The following TMEFF2 variants were observed in gnomAD, a reference collection of about 807,000 sequenced individuals.
TMEFF2 encodes tomoregulin-2.
A neutral mutation model predicts 53.8 loss-of-function variants in TMEFF2; 28 were observed. The ratio of observed to expected loss-of-function variants is 0.52; its 90% CI spans 0.39 to 0.71. TMEFF2 has a LOEUF of 0.71. Ranked by LOEUF, TMEFF2 falls within the 30% of genes least tolerant of loss-of-function variation. The pLI is 0.00. For synonymous variants in TMEFF2, 162 were observed against 166.3 expected (o/e 0.97, Z 0.20); for missense variants, 353 against 455.2 (o/e 0.78, Z 2.04).
At chr2:192,191,786 T>C in intron 2 of TMEFF2, 94 bp downstream of exon 2, 1 of 840,080 alleles carries the variant, frequency 1.2e-6, no homozygotes, top group Non-Finnish European at 1.9e-6. Flanking sequence ...TTAGCTTGCA[T>C]AGCTATAAAT....
At chr2:192,176,491 T>C (rs905335115) in intron 4 of TMEFF2, among the ~76,000 whole-genome samples, 1 of 151,378 alleles carries the variant, frequency 6.6e-6, no homozygotes, top group Admixed American at 6.6e-5. Context: ...ATTTGTATCT[T>C]ATTACTCTAC....
chr2:191,991,503 C>A (rs935023216), intron 7 of TMEFF2, among the ~76,000 whole-genome samples: 3 of 152,086 alleles, frequency 2.0e-5, no homozygotes, highest in Non-Finnish European at 2.9e-5. Flanking sequence ...GACTTATTAT[C>A]TCCATTAAAC....
intron 7 of TMEFF2, among the ~76,000 whole-genome samples, chr2:191,997,117 G>C (rs1392000496): frequency 6.6e-6 from 1 of 151,832 alleles, no homozygotes; most frequent in Non-Finnish European, 1.5e-5. Flanking sequence ...TCTTTTCAAG[G>C]AACATCTGTA....
At chr2:191,990,785 T>C (rs1030771653) in intron 7 of TMEFF2, among the ~76,000 whole-genome samples, 3 of 151,952 alleles carry the variant, frequency 2.0e-5, no homozygotes, top group Non-Finnish European at 4.4e-5. Context: ...TGTGTGTGTG[T>C]GTGTGAATTA....
Position 191,950,372 on chromosome 2 carries a change from T to C in TMEFF2, c.1064A>G (p.Lys355Arg), listed in dbSNP as rs1282480476. 2 of 1,613,936 alleles carry C rather than the reference T, an allele frequency of 1.2e-6. No individual in the cohort carries two copies. The highest frequency in any genetic ancestry group is 1.7e-6 in the Non-Finnish European group (2 of 1,179,956). ...TGAACTGTAGTGCCCTGTATTTTGC[T>C]TCTGTCTGTGAATTCTGTTGCTTCT... ...CPRSNRIHRQ[K>R]QNTGHYSSDN... Residue 355 changes from lysine to arginine, a missense_variant, in exon 10 of 10, where the codon AAG (lysine) becomes AGG (arginine). This residue lies in a region of TMEFF2 where 294 missense variants were observed against 397.3 expected (regional missense o/e 0.74). Transcript: ENST00000272771.
At chr2:192,130,232 A>AT (rs938188894) in intron 4 of TMEFF2, among the ~76,000 whole-genome samples, 3 of 152,016 alleles carry the variant, frequency 2.0e-5, no homozygotes, top group Non-Finnish European at 4.4e-5. Context: ...AAGAACTCAG[A>AT]TTTTTTTCCT....
intron 4 of TMEFF2, among the ~76,000 whole-genome samples, chr2:192,176,287 A>C (rs1412102698): frequency 6.6e-6 from 1 of 151,364 alleles, no homozygotes; most frequent in Non-Finnish European, 1.5e-5. Context: ...AATCTATCCA[A>C]CAAGTTTATT....
At chr2:192,100,827 G>T (rs1410952495) in intron 4 of TMEFF2, among the ~76,000 whole-genome samples, 2 of 152,094 alleles carry the variant, frequency 1.3e-5, no homozygotes, top group African/African-American at 2.4e-5. Flanking sequence ...ATAGTTCACG[G>T]TGATCAAAAT....
At chr2:192,082,585 A>G (rs1688578462) in intron 4 of TMEFF2, among the ~76,000 whole-genome samples, 1 of 152,192 alleles carries the variant, frequency 6.6e-6, no homozygotes, top group African/African-American at 2.4e-5. Context: ...TTCTTGGACT[A>G]TGCCTGGAGT....
At chr2:191,953,074 A>G (rs1574238300) in intron 9 of TMEFF2, among the ~76,000 whole-genome samples, 2 of 152,252 alleles carry the variant, frequency 1.3e-5, no homozygotes, top group African/African-American at 2.4e-5. Flanking sequence ...AAATTAAGCA[A>G]GTACTGGCCT....
chr2:192,138,564 T>C (rs1690064616), intron 4 of TMEFF2, among the ~76,000 whole-genome samples: 1 of 152,236 alleles, frequency 6.6e-6, no homozygotes, highest in African/African-American at 2.4e-5. Context: ...ACACAAATCA[T>C]AAAGTGGTGA....
chr2:192,173,405 A>G (rs1330962690), intron 4 of TMEFF2, among the ~76,000 whole-genome samples: 2 of 151,746 alleles, frequency 1.3e-5, no homozygotes, highest in Non-Finnish European at 2.9e-5. Flanking sequence ...TTTTGACATC[A>G]AGCAGAATTG....
At chr2:191,962,830 C>T (rs548701129) in intron 7 of TMEFF2, among the ~76,000 whole-genome samples, 8 of 152,220 alleles carry the variant, frequency 5.3e-5, no homozygotes, top group East Asian at 3.9e-4. Context: ...GCCTGGCTTT[C>T]GATGGCAGAG....
intron 4 of TMEFF2, among the ~76,000 whole-genome samples, chr2:192,158,677 A>G (rs918460432): frequency 6.6e-5 from 10 of 152,094 alleles, no homozygotes. Context: ...AGTGCTGGTG[A>G]GACTTACAAG....
chr2:192,177,428 C>T (rs1007687964), intron 4 of TMEFF2: 1 of 150,304 alleles, frequency 6.7e-6, no homozygotes, highest in Non-Finnish European at 1.5e-5. Flanking sequence ...AACTAATAGT[C>T]TTACAGACCA....
intron 5 of TMEFF2, among the ~76,000 whole-genome samples, chr2:192,019,313 A>G (rs1360877465): frequency 6.6e-6 from 1 of 152,062 alleles, no homozygotes; most frequent in Non-Finnish European, 1.5e-5. Context: ...ATTGAGAAGT[A>G]TTATAAATAT....
At chr2:192,131,039 C>T (rs1368730227) in intron 4 of TMEFF2, among the ~76,000 whole-genome samples, 12 of 137,046 alleles carry the variant, frequency 8.8e-5, no homozygotes, top group Admixed American at 2.3e-4. Flanking sequence ...CAGCAAGTCC[C>T]GCTTTTCTGG....
chr2:192,094,497 A>AGT (rs141812850), intron 4 of TMEFF2, among the ~76,000 whole-genome samples: 7,380 of 151,362 alleles, frequency 0.049, 556 homozygotes, highest in African/African-American at 0.16. Flanking sequence ...TATTCTTAGC[A>AGT]GTGTGTGTGT....
intron 4 of TMEFF2, among the ~76,000 whole-genome samples, chr2:192,165,037 G>C (rs992501008): frequency 1.4e-5 from 2 of 142,966 alleles, no homozygotes; most frequent in Non-Finnish European, 3.1e-5. Context: ...TGCATGTGCA[G>C]GAGACTAGCA....
Sources: allele counts gnomAD v4.1 joint callset (sites outside exome capture counted in the v4.1 genomes callset), GRCh38; gene constraint gnomAD v4.1.1; regional missense constraint gnomAD v4.1.1; transcripts MANE v1.5; gene names NCBI Gene and HGNC (gene_info 2026-07-23, HGNC 2026-07-21).